The following MOB3B variants were observed in gnomAD, a reference collection of about 807,000 sequenced individuals.
The protein encoded by MOB3B is MOB kinase activator 3B, also known as MOB kinase activator-like 2B.
In MOB3B, 7 loss-of-function variants were observed where a neutral mutation model predicts 18.7. That is an observed-to-expected ratio of 0.37 (90% CI 0.21 to 0.70). The LOEUF (loss-of-function observed/expected upper bound fraction) is 0.70. MOB3B is among the 30% of genes least tolerant of loss of function. MOB3B has a pLI of 0.52. For missense variants in MOB3B, 253 were observed against 281.3 expected (o/e 0.90, Z 0.72); for synonymous variants, 111 against 99.9 (o/e 1.11, Z -0.66).
intron 1 of MOB3B, among the ~76,000 whole-genome samples, chr9:27,458,141 T>G (rs1819216443): frequency 6.6e-6 from 1 of 152,164 alleles, no homozygotes; most frequent in Non-Finnish European, 1.5e-5. Flanking sequence ...AAATGAGACT[T>G]GCTCTTCTAT....
intron 2 of MOB3B, among the ~76,000 whole-genome samples, chr9:27,395,721 A>C (rs1821788543): frequency 6.6e-6 from 1 of 152,180 alleles, no homozygotes; most frequent in Non-Finnish European, 1.5e-5. Flanking sequence ...CTTGCTAAGA[A>C]AGGCAACACA....
chr9:27,404,240 T>A (rs1398333211), intron 2 of MOB3B, among the ~76,000 whole-genome samples: 1 of 151,982 alleles, frequency 6.6e-6, no homozygotes, highest in Non-Finnish European at 1.5e-5. Context: ...ATTTCCTCCA[T>A]CTATGCTGTT....
intron 2 of MOB3B, among the ~76,000 whole-genome samples, chr9:27,414,365 CG>C (rs1822115876): frequency 6.6e-6 from 1 of 152,144 alleles, no homozygotes; most frequent in African/African-American, 2.4e-5. Context: ...GCTGTGAACC[CG>C]GGGGGCTCGT....
chr9:27,515,061 C>CTT (rs1820210531), intron 1 of MOB3B, among the ~76,000 whole-genome samples: 2 of 152,168 alleles, frequency 1.3e-5, no homozygotes, highest in African/African-American at 4.8e-5. Context: ...GCTATAAATA[C>CTT]TTTAACAGAT....
intron 1 of MOB3B, among the ~76,000 whole-genome samples, chr9:27,463,025 T>C (rs1819318026): frequency 6.6e-6 from 1 of 152,216 alleles, no homozygotes; most frequent in African/African-American, 2.4e-5. Context: ...GCAGGGTTGC[T>C]GCAAGAATTC....
chr9:27,466,677 T>C (rs1819388037), intron 1 of MOB3B, among the ~76,000 whole-genome samples: 1 of 152,188 alleles, frequency 6.6e-6, no homozygotes, highest in Non-Finnish European at 1.5e-5. Context: ...AAGGCACTTC[T>C]TATACGGCAG....
intron 2 of MOB3B, among the ~76,000 whole-genome samples, chr9:27,363,903 G>A (rs1821308628): frequency 2.0e-5 from 3 of 152,012 alleles, no homozygotes; most frequent in Admixed American, 2.0e-4. Context: ...CACCATGCCT[G>A]GCTAACTTTT....
chr9:27,493,533 C>T (rs1033723799), intron 1 of MOB3B, among the ~76,000 whole-genome samples: 4 of 151,818 alleles, frequency 2.6e-5, no homozygotes, highest in Non-Finnish European at 5.9e-5. Context: ...CCCAGCTACT[C>T]GGGAGGCTGA....
chr9:27,513,380 C>T (rs1331253150), intron 1 of MOB3B, among the ~76,000 whole-genome samples: 1 of 152,116 alleles, frequency 6.6e-6, no homozygotes, highest in African/African-American at 2.4e-5. Context: ...CAAACTGTAC[C>T]CCTACAAGGC....
chr9:27,343,958 A>G, intron 3 of MOB3B, among the ~76,000 whole-genome samples: 1 of 150,294 alleles, frequency 6.7e-6, no homozygotes, highest in Non-Finnish European at 1.5e-5. Flanking sequence ...ATAGGTACCA[A>G]GATACAGAGT....
At chr9:27,468,161 C>T (rs1240621194) in intron 1 of MOB3B, among the ~76,000 whole-genome samples, 1 of 152,184 alleles carries the variant, frequency 6.6e-6, no homozygotes, top group East Asian at 1.9e-4. Context: ...AGAGATTTCT[C>T]AGCTAAGAAA....
intron 3 of MOB3B, among the ~76,000 whole-genome samples, chr9:27,344,422 C>G (rs1465791426): frequency 3.9e-5 from 6 of 152,162 alleles, no homozygotes; most frequent in African/African-American, 1.4e-4. Context: ...TACCGTTGCA[C>G]TAGCAACAAA....
At chr9:27,459,069 T>C (rs1023889835) in intron 1 of MOB3B, among the ~76,000 whole-genome samples, 4 of 151,874 alleles carry the variant, frequency 2.6e-5, no homozygotes, top group Admixed American at 6.6e-5. Flanking sequence ...AGATGTATCA[T>C]GCCACTGAAC....
intron 2 of MOB3B, among the ~76,000 whole-genome samples, chr9:27,383,033 G>A (rs189721721): frequency 1.3e-5 from 2 of 152,154 alleles, no homozygotes; most frequent in Non-Finnish European, 2.9e-5. Flanking sequence ...AAAAGAATGT[G>A]GGGGGAGAAG....
intron 1 of MOB3B, chr9:27,526,566 T>C (rs576569075): frequency 6.6e-6 from 1 of 152,366 alleles, no homozygotes; most frequent in South Asian, 2.1e-4. Flanking sequence ...TTTGCTATCC[T>C]GGAGGAAAGA....
At chr9:27,388,966 C>T (rs1430191733) in intron 2 of MOB3B, among the ~76,000 whole-genome samples, 1 of 152,166 alleles carries the variant, frequency 6.6e-6, no homozygotes, top group South Asian at 2.1e-4. Flanking sequence ...TCTGAATAGC[C>T]TCCCCATTTT....
intron 1 of MOB3B, among the ~76,000 whole-genome samples, chr9:27,467,978 C>G (rs1344823923): frequency 1.3e-5 from 2 of 152,152 alleles, no homozygotes; most frequent in African/African-American, 2.4e-5. Flanking sequence ...TATTAGGGCT[C>G]TATTGGAGAA....
chr9:27,430,153 C>T (rs1368005750), intron 2 of MOB3B, among the ~76,000 whole-genome samples: 1 of 152,198 alleles, frequency 6.6e-6, no homozygotes, highest in African/African-American at 2.4e-5. Flanking sequence ...CTTTCATTCT[C>T]CACATCCTCT....
At chr9:27,382,263 G>A (rs1465887997) in intron 2 of MOB3B, among the ~76,000 whole-genome samples, 1 of 152,128 alleles carries the variant, frequency 6.6e-6, no homozygotes. Context: ...AAGCAAAAAA[G>A]TTAAGGGGCT....
Sources: allele counts gnomAD v4.1 joint callset (sites outside exome capture counted in the v4.1 genomes callset), GRCh38; gene constraint gnomAD v4.1.1; transcripts MANE v1.5; gene names NCBI Gene and HGNC (gene_info 2026-07-23, HGNC 2026-07-21).